Variants in TMEM232 observed in about 807,000 individuals in gnomAD.
TMEM232 encodes transmembrane protein 232.
TMEM232 carries 80 observed loss-of-function variants against 78.8 expected under a neutral mutation model. The observed-to-expected ratio is 1.01, with a 90% CI of 0.85 to 1.22. TMEM232 has a LOEUF of 1.22. TMEM232 is among the 50% of genes most tolerant of loss of function. The pLI, the probability that TMEM232 is intolerant of heterozygous loss-of-function variation, is 0.00. For missense variants in TMEM232, 881 were observed against 742.2 expected (o/e 1.19, Z -2.17); for synonymous variants, 297 against 254.3 (o/e 1.17, Z -1.60).
intron 2 of TMEM232, among the ~76,000 whole-genome samples, chr5:110,650,363 T>C (rs1253579160): frequency 2.0e-5 from 3 of 152,072 alleles, no homozygotes; most frequent in Admixed American, 6.6e-5. Context: ...TTGATACAAA[T>C]GAACTGCTTA....
downstream of TMEM232, among the ~76,000 whole-genome samples, chr5:110,419,348 A>C (rs773005675): frequency 3.9e-5 from 6 of 152,140 alleles, no homozygotes; most frequent in Non-Finnish European, 7.4e-5. Context: ...CAAAACAGCA[A>C]CCTACAGGCA....
chr5:110,728,784 AC>A (rs1330703990), upstream of TMEM232, among the ~76,000 whole-genome samples: 1 of 149,858 alleles, frequency 6.7e-6, no homozygotes, highest in African/African-American at 2.4e-5. Flanking sequence ...AACCATCCTA[AC>A]CCCTTAGTAT....
intron 11 of TMEM232, among the ~76,000 whole-genome samples, chr5:110,557,640 C>T (rs62376084): frequency 0.02 from 3,060 of 152,188 alleles, 60 homozygotes; most frequent in South Asian, 0.035. Flanking sequence ...TCTTACATGG[C>T]TGGAGAAGGA....
intron 7 of TMEM232, among the ~76,000 whole-genome samples, chr5:110,620,428 CT>C (rs1029688913): frequency 6.6e-6 from 1 of 152,142 alleles, no homozygotes; most frequent in Non-Finnish European, 1.5e-5. Context: ...ATTGCCCCAA[CT>C]TTTTGACAGC....
chr5:110,577,770 A>C lies in TMEM232; in HGVS notation c.1277-9145T>G, dbSNP rs114523014. Among the ~76,000 whole-genome samples the C allele has an allele frequency of 5.6e-3, 846 of 152,168 alleles. 8 individuals are homozygous for C. Among genetic ancestry groups the C allele is most frequent in the African/African-American group, 0.019 (800 of 41,554 alleles). Reference sequence around the variant, plus strand: ...ATTATCCTTAGAAACTAATACAAGAACAGAAAACCAAATACTGCCTGTTCT... The same window carrying C: ...ATTATCCTTAGAAACTAATACAAGACCAGAAAACCAAATACTGCCTGTTCT... On this transcript the variant is annotated intron_variant, in intron 10 of 13. Coordinates refer to ENST00000455884, the MANE Select transcript of TMEM232 (RefSeq NM_001039763.4).
intron 2 of TMEM232, among the ~76,000 whole-genome samples, chr5:110,651,720 T>C (rs1404255342): frequency 6.6e-6 from 1 of 151,950 alleles, no homozygotes; most frequent in African/African-American, 2.4e-5. Context: ...CCAGCAGGAA[T>C]GTGTGGCAAA....
intron 11 of TMEM232, among the ~76,000 whole-genome samples, chr5:110,565,900 C>T (rs1012064130): frequency 5.1e-4 from 78 of 151,972 alleles, no homozygotes; most frequent in African/African-American, 1.8e-3. Flanking sequence ...ATCCTTTCTA[C>T]AGTCAATTTT....
intron 1 of TMEM232, among the ~76,000 whole-genome samples, chr5:110,687,080 T>C (rs1580664598): frequency 6.6e-6 from 1 of 152,146 alleles, no homozygotes; most frequent in Non-Finnish European, 1.5e-5. Flanking sequence ...ATTAATACAA[T>C]AACTGCTTAT....
rs370842779 is a variant in TMEM232 at position 110,566,410 on chromosome 5, T to C, written c.1455+2037A>G. Among the ~76,000 whole-genome samples, 20 of 151,972 alleles carry C rather than the reference T, an allele frequency of 1.3e-4. No individual in the cohort carries two copies. In the East Asian group the frequency reaches 3.7e-3, roughly 28 times the overall value. ...TTGAATTCCTTCCCAAAAAATGGGA[T>C]GCAGGCTGCAAATTTTTCAAACTTT... On this transcript the variant is annotated intron_variant, in intron 11 of 13. Coordinates refer to ENST00000455884, the MANE Select transcript of TMEM232 (RefSeq NM_001039763.4).
chr5:110,683,554 T>A (rs1793023341), intron 1 of TMEM232, among the ~76,000 whole-genome samples: 3 of 152,054 alleles, frequency 2.0e-5, no homozygotes, highest in Admixed American at 2.0e-4. Flanking sequence ...GTTAATAAAA[T>A]CATTTTAATT....
At chr5:110,689,155 C>T (rs1443957460) in intron 1 of TMEM232, among the ~76,000 whole-genome samples, 2 of 152,064 alleles carry the variant, frequency 1.3e-5, no homozygotes, top group Non-Finnish European at 2.9e-5. Context: ...AATAAATCTC[C>T]AAAAATGATT....
chr5:110,695,852 C>T (rs935982543), intron 1 of TMEM232, among the ~76,000 whole-genome samples: 3 of 152,120 alleles, frequency 2.0e-5, no homozygotes, highest in Admixed American at 2.0e-4. Flanking sequence ...GATGGATTCA[C>T]AGCCAAATTC....
At chr5:110,458,319 C>T (rs1375136916) in intron 12 of TMEM232, among the ~76,000 whole-genome samples, 1 of 151,612 alleles carries the variant, frequency 6.6e-6, no homozygotes, top group Non-Finnish European at 1.5e-5. Flanking sequence ...TAGTACAAAA[C>T]AAGATCATAT....
Position 110,605,232 on chromosome 5 carries a change from A to C in TMEM232, c.1153T>G (p.Phe385Val), listed in dbSNP as rs1413072595. The C allele has an allele frequency of 6.4e-7, 1 of 1,551,178 alleles. No homozygotes were observed. Among genetic ancestry groups the C allele is most frequent in the Admixed American group, 2.0e-5 (1 of 50,984 alleles). Residue 385 changes from phenylalanine to valine, a missense_variant, in exon 10 of 14, where the codon TTC becomes GTC. Transcript: ENST00000455884. The stretch of plus-strand genomic sequence containing the variant: ...TTTTGTGAACTTTTACAGTGACAGA[A>C]ACCAATTAAAGCAGTTTTTCGCAAA... ...SDLRKTALIG[F>V]CHCKSSQKNI... is the part of the protein sequence containing the mutation.
intron 1 of TMEM232, among the ~76,000 whole-genome samples, chr5:110,735,251 T>C (rs1020869798): frequency 1.3e-5 from 2 of 152,254 alleles, no homozygotes; most frequent in Admixed American, 6.5e-5. Flanking sequence ...GGTAGGACCA[T>C]AGCATTCTGT....
At chr5:110,508,322 T>C (rs997664592) in intron 12 of TMEM232, among the ~76,000 whole-genome samples, 1 of 151,960 alleles carries the variant, frequency 6.6e-6, no homozygotes, top group South Asian at 2.1e-4. Flanking sequence ...TTATTAAAGA[T>C]AGAAAGCATG....
intron 11 of TMEM232, among the ~76,000 whole-genome samples, chr5:110,538,544 T>A (rs774222827): frequency 6.6e-6 from 1 of 152,164 alleles, no homozygotes; most frequent in African/African-American, 2.4e-5. Context: ...ACAATGAGCA[T>A]TGGGCAAAGG....
chr5:110,533,757 AC>A (rs1039886585), intron 11 of TMEM232, among the ~76,000 whole-genome samples: 6 of 151,908 alleles, frequency 3.9e-5, no homozygotes, highest in African/African-American at 1.2e-4. Flanking sequence ...CCTGACGTTC[AC>A]CCCATTTCCC....
intron 10 of TMEM232, among the ~76,000 whole-genome samples, chr5:110,595,225 C>G (rs1780013691): frequency 6.6e-6 from 1 of 152,136 alleles, no homozygotes; most frequent in Non-Finnish European, 1.5e-5. Flanking sequence ...GCAATAACAT[C>G]AATATCAACT....
Sources: gnomAD v4.1 joint callset for allele counts (sites outside exome capture counted in the v4.1 genomes callset) on GRCh38, gnomAD v4.1.1 for gene constraint, MANE v1.5 for transcripts, NCBI Gene and HGNC (gene_info 2026-07-23, HGNC 2026-07-21) for gene names.